The following PACRGL variants were observed in gnomAD, a reference collection of about 807,000 sequenced individuals.
The protein encoded by PACRGL is parkin coregulated like.
In PACRGL, 38 loss-of-function variants were observed where a neutral mutation model predicts 34.5. The ratio of observed to expected loss-of-function variants is 1.10; its 90% CI spans 0.85 to 1.44. The LOEUF (loss-of-function observed/expected upper bound fraction) is 1.44, where lower values mean the gene tolerates loss of function less well. Ranked by LOEUF, PACRGL falls within the 40% of genes most tolerant of loss-of-function variation. The pLI, the probability that PACRGL is intolerant of heterozygous loss-of-function variation, is 0.00. For missense variants in PACRGL, 305 were observed against 281.4 expected, an observed-to-expected ratio of 1.08 and a Z score of -0.60; for synonymous variants, 128 against 100.1, an observed-to-expected ratio of 1.28 and a Z score of -1.66.
intron 6 of PACRGL, 26 bp downstream of exon 6, chr4:20,712,948 T>C (rs1452972609): frequency 5.4e-6 from 8 of 1,484,514 alleles, no homozygotes; most frequent in Non-Finnish European, 7.2e-6. Flanking sequence ...CATTGTACTT[T>C]ATATTTGAAA....
At chr4:20,740,767 G>A (rs543512521) in intron 8 of PACRGL, among the ~76,000 whole-genome samples, 11 of 152,224 alleles carry the variant, frequency 7.2e-5, no homozygotes, top group Admixed American at 5.2e-4. Flanking sequence ...CCAATTAAAA[G>A]ACACAAACTG....
rs973603386 is a variant in PACRGL, at chr4:20,732,255, T to C, written c.*4914T>C. Among the ~76,000 whole-genome samples, 19 of 152,198 alleles carry C rather than the reference T, an allele frequency of 1.2e-4. No individual in the cohort carries two copies. The highest frequency in any genetic ancestry group is 4.3e-4 in the African/African-American group (18 of 41,444). The stretch of plus-strand genomic sequence containing the variant: ...AATGATAGGGCCAAATGCTTCTGGC[T>C]TTTCCCTTTTCAATATAATGTGGTG... On this transcript the variant is annotated 3_prime_UTR_variant, in exon 9 of 9. Transcript: ENST00000503585.
downstream of PACRGL, among the ~76,000 whole-genome samples, chr4:20,733,913 T>C (rs564186269): frequency 5.4e-4 from 82 of 152,246 alleles, 1 homozygote; most frequent in African/African-American, 1.9e-3. Context: ...GTAGCGCAAG[T>C]TCATGTCATT....
rs917498564 is a variant in PACRGL at position 20,730,225 on chromosome 4, C to T, written c.*2884C>T. On this transcript the variant is annotated 3_prime_UTR_variant, in exon 9 of 9. Coordinates refer to ENST00000503585, the MANE Select transcript of PACRGL (RefSeq NM_001258345.3). ...AGTATTGCCTCCTCCCATCAACCAC[C>T]TCAACCACCTATGCCAAAAGCTCAA... is the stretch of plus-strand genomic sequence containing the variant. The T allele has an allele frequency of 4.3e-6, 6 of 1,401,308 alleles. No homozygotes were observed. The Admixed American group carries it at 1.0e-4, about 24-fold the overall frequency. The allele number at this position is 1,401,308 out of a possible 1,614,324, so 86.8% of individuals were successfully genotyped here.
At chr4:20,758,071 C>A in the PACRGL span, among the ~76,000 whole-genome samples, 5 of 152,248 alleles carry the variant, frequency 3.3e-5, no homozygotes, top group Admixed American at 3.3e-4. Flanking sequence ...ATTCCCCCTA[C>A]GTGATCAGCA....
chr4:20,730,196 C>CCTGAG lies in PACRGL; in HGVS notation c.*2856_*2860dup. On this transcript the variant is annotated 3_prime_UTR_variant, in exon 9 of 9. Coordinates refer to ENST00000503585, the MANE Select transcript of PACRGL (RefSeq NM_001258345.3). ...GCAAGGAAAAGTACACTATTTTGCC[C>CCTGAG]CTGAGTATTGCCTCCTCCCATCAAC... is the stretch of plus-strand genomic sequence containing the variant. 6.6e-7 allele frequency: 1 copy of CCTGAG among 1,517,364 alleles called. No homozygotes were observed. 94.0% of individuals were successfully genotyped at this position (1,517,364 alleles called of 1,614,324 possible). A position where few individuals can be genotyped will look rare whatever the true frequency, so the allele number is the denominator to read the frequency against.
Position 20,714,051 on chromosome 4 carries a change from C to A in PACRGL, c.609+512C>A, listed in dbSNP as rs575494456. ...GAGGTGAGTTCAATTCCTGGGTATC[C>A]TTGTTAACTTTCTGTCTCGTTGATC... On this transcript the variant is annotated intron_variant, in intron 7 of 8. Transcript: ENST00000503585. Among the ~76,000 whole-genome samples the A allele has an allele frequency of 7.1e-3, 1,075 of 152,080 alleles. 3 individuals carry two copies. Among genetic ancestry groups the A allele is most frequent in the Non-Finnish European group, 0.012 (789 of 67,994 alleles).
intron 1 of PACRGL, chr4:20,701,463 G>A (rs1020534467): frequency 6.3e-6 from 1 of 158,946 alleles, no homozygotes; most frequent in Non-Finnish European, 1.4e-5. Context: ...ATCTTGTTTT[G>A]TAAAAGAATG....
intron 8 of PACRGL, among the ~76,000 whole-genome samples, chr4:20,744,938 G>A (rs954104077): frequency 2.0e-4 from 30 of 152,100 alleles, no homozygotes; most frequent in Admixed American, 1.3e-3. Context: ...TGACCTGGGC[G>A]AAGTCAGGAA....
chr4:20,727,683 C>T lies in PACRGL; in HGVS notation c.*342C>T, dbSNP rs143461358. On this transcript the variant is annotated 3_prime_UTR_variant, in exon 9 of 9. Transcript: ENST00000503585. ...CACTTTTTTGGCAATCAGTTTGTAG[C>T]TGTGCCCTTATTTTTATAGATAGTT... 3.3e-3 allele frequency: 616 copies of T among 187,942 alleles called. 6 individuals are homozygous for T. Among genetic ancestry groups the T allele is most frequent in the African/African-American group, 0.013 (573 of 42,796 alleles). The allele number at this position is 187,942 out of a possible 1,614,324, so 11.6% of individuals were successfully genotyped here.
chr4:20,749,665 G>A (rs751047200), intron 8 of PACRGL: 24 of 1,599,180 alleles, frequency 1.5e-5, no homozygotes, highest in South Asian at 3.3e-5. Context: ...AGCTTACCTC[G>A]AAACTCACAG....
chr4:20,762,484 C>A, the PACRGL span, among the ~76,000 whole-genome samples: 4 of 152,062 alleles, frequency 2.6e-5, no homozygotes, highest in South Asian at 2.1e-4. Flanking sequence ...TTTTTTTAAA[C>A]CTTCAGGTGA....
chr4:20,729,938 A>C lies in PACRGL; in HGVS notation c.*2597A>C, dbSNP rs1747538536. The C allele has an allele frequency of 3.3e-6, 3 of 900,026 alleles. No homozygotes were observed. Among genetic ancestry groups the C allele is most frequent in the African/African-American group, 3.4e-5 (2 of 58,048 alleles). 55.8% of individuals were successfully genotyped at this position (900,026 alleles called of 1,614,324 possible). A position where few individuals can be genotyped will look rare whatever the true frequency, so the allele number is the denominator to read the frequency against. ...AACTGAAAGCTCAAATCTTTTGGGGATTGCTTTATATTAAAACAAAGCTTG... is the reference window on the plus strand; with the variant it reads ...AACTGAAAGCTCAAATCTTTTGGGGCTTGCTTTATATTAAAACAAAGCTTG... On this transcript the variant is annotated 3_prime_UTR_variant, in exon 9 of 9. Transcript: ENST00000503585.
chr4:20,714,910 C>T (rs1296915109), intron 7 of PACRGL, among the ~76,000 whole-genome samples: 1 of 152,088 alleles, frequency 6.6e-6, no homozygotes, highest in Non-Finnish European at 1.5e-5. Context: ...TTGACCCAGC[C>T]ATCCCATTAC....
intron 8 of PACRGL, among the ~76,000 whole-genome samples, chr4:20,748,562 A>T (rs1396699150): frequency 6.9e-4 from 1 of 1,456 alleles, no homozygotes; most frequent in Admixed American, 6.0e-3. Flanking sequence ...TCCAAATTTT[A>T]TATATATATA....
At position 20,748,560 on chromosome 4, in the gene PACRGL, T is replaced by TTA. The variant is rs3075750; in HGVS notation, c.*57-3961_*57-3960dup. ...CAAAAATAAATGCACCTTCCAAATT[T>TTA]TATATATATATATATATATATATAT... On this transcript the variant is annotated intron_variant, in intron 8 of 8. Coordinates refer to the PACRGL transcript ENST00000507634. Among the ~76,000 whole-genome samples the TTA allele has an allele frequency of 7.2e-3, 463 of 64,644 alleles. 1 individual carries two copies. Among genetic ancestry groups the TTA allele is most frequent in the Admixed American group, 0.01 (66 of 6,348 alleles). The allele number at this position is 64,644 out of a possible 152,430, so 42.4% of individuals were successfully genotyped here. A position where few individuals can be genotyped will look rare whatever the true frequency, so the allele number is the denominator to read the frequency against.
At chr4:20,702,392 G>A (rs1479447990) in intron 1 of PACRGL, among the ~76,000 whole-genome samples, 1 of 152,158 alleles carries the variant, frequency 6.6e-6, no homozygotes, top group Non-Finnish European at 1.5e-5. Context: ...TGTAGCCCAA[G>A]ATGTTAAGCC....
intron 7 of PACRGL, among the ~76,000 whole-genome samples, chr4:20,713,974 G>C (rs1422540945): frequency 6.6e-6 from 1 of 152,160 alleles, no homozygotes; most frequent in Non-Finnish European, 1.5e-5. Flanking sequence ...TGTATATTCT[G>C]TTGATTTGGG....
chr4:20,707,974 G>A (rs976478045), intron 4 of PACRGL, 104 bp downstream of exon 4: 21 of 874,210 alleles, frequency 2.4e-5, no homozygotes, highest in Non-Finnish European at 3.8e-5. Flanking sequence ...TTACTAGTGA[G>A]GTTGAAATAA....
Sources: allele counts gnomAD v4.1 joint callset (sites outside exome capture counted in the v4.1 genomes callset), GRCh38; gene constraint gnomAD v4.1.1; transcripts MANE v1.5; gene names NCBI Gene and HGNC (gene_info 2026-07-23, HGNC 2026-07-21).